The following MUC3A variants were observed in gnomAD, a reference collection of about 807,000 sequenced individuals.
The protein encoded by MUC3A is mucin 3A, cell surface associated, also known as mucin-3A.
In MUC3A, 109 loss-of-function variants were observed where a neutral mutation model predicts 109.0. That is an observed-to-expected ratio of 1.00 (90% CI 0.86 to 1.17). The LOEUF (loss-of-function observed/expected upper bound fraction) is 1.17. Among genes scored for constraint, MUC3A ranks in the 50% most tolerant of loss-of-function variants. The pLI is 0.00. For synonymous variants in MUC3A, 1,398 were observed against 981.4 expected (o/e 1.42, Z -7.93); for missense variants, 3,537 against 2,469.4 (o/e 1.43, Z -9.16).
rs1792567044 is a variant in MUC3A at position 100,966,495 on chromosome 7, C to T, written c.9721C>T (p.Leu3241=). Residue 3241 remains leucine, a synonymous_variant, in exon 9 of 12, where the codon CTG becomes TTG. Coordinates refer to ENST00000379458, the MANE Select transcript of MUC3A (RefSeq NM_005960.2). ...GGCCGGCGCCGCGCTGCTGGTGCTG[C>T]TGCTGCTGGCGCTGGGCGTCCGGGC... ...LTAGAALLVL[L]LLALGVRAVR... The T allele has an allele frequency of 7.6e-7, 1 of 1,312,686 alleles. No individual in the cohort carries two copies. The allele number at this position is 1,312,686 out of a possible 1,614,324, so 81.3% of individuals were successfully genotyped here.
At position 100,959,128 on chromosome 7, in the gene MUC3A, C is replaced by T. The variant is rs1792220216; in HGVS notation, c.7349C>T (p.Ser2450Phe). 1 of 1,583,880 alleles carries T rather than the reference C, an allele frequency of 6.3e-7. No homozygotes were observed. The highest frequency in any genetic ancestry group is 2.3e-5 in the East Asian group (1 of 44,440). ...AGCCTCAGTTCTTCAACCATCTACT[C>T]CACAGTCAGCACATCCACAACTGCC... ...TPSLSSSTIY[S>F]TVSTSTTAIT... The change falls in exon 2 of 12, where the codon TCC becomes TTC. Residue 2450 changes from serine (S) to phenylalanine (F), a missense_variant. Physicochemically the swap from Ser to Phe is radical, Grantham distance 155. Transcript: ENST00000379458.
chr7:100,953,910 T>G lies in MUC3A; in HGVS notation c.2131T>G (p.Tyr711Asp). 2.2e-6 allele frequency: 1 copy of G among 449,658 alleles called. No homozygotes were observed. The highest frequency in any genetic ancestry group is 3.9e-6 in the Non-Finnish European group (1 of 257,626). The allele number at this position is 449,658 out of a possible 1,614,324, so 27.9% of individuals were successfully genotyped here. The change falls in exon 2 of 12, where the codon TAT becomes GAT. Residue 711 changes from tyrosine (Y) to aspartate (D), a missense_variant. Coordinates refer to ENST00000379458, the MANE Select transcript of MUC3A (RefSeq NM_005960.2). ...ASSMTTSETT[Y>D]PNSPTGPGTN... Reference sequence around the variant, plus strand: ...ATCTATGACTACATCTGAGACCACCTATCCTAATTCTCCGACTGGTCCTGG... The same window carrying G: ...ATCTATGACTACATCTGAGACCACCGATCCTAATTCTCCGACTGGTCCTGG...
In MUC3A at chr7:100,954,784, C is replaced by T; in HGVS notation, c.3005C>T (p.Thr1002Ile). The stretch of plus-strand genomic sequence containing the variant: ...GACATTTCTACAGTATCTCTCACAA[C>T]AGCCATGACTTCTCCTCCCCCCGTC... ...TTDISTVSLT[T>I]AMTSPPPVSS... The change falls in exon 2 of 12, where the codon ACA becomes ATA. Residue 1002 changes from threonine (T) to isoleucine (I), a missense_variant. Thr to Ile is a moderately conservative substitution (Grantham distance 89). Transcript: ENST00000379458. The T allele has an allele frequency of 2.5e-6, 1 of 403,810 alleles. No individual in the cohort carries two copies. The highest frequency in any genetic ancestry group is 4.4e-6 in the Non-Finnish European group (1 of 229,572). 25.0% of individuals were successfully genotyped at this position (403,810 alleles called of 1,614,324 possible).
chr7:100,962,670 CT>C (rs199772293), intron 3 of MUC3A, among the ~76,000 whole-genome samples: 5,204 of 59,834 alleles, frequency 0.087, 279 homozygotes, highest in African/African-American at 0.29. Context: ...TTTCTCTTTT[CT>C]TTTTTTCTTT....
rs1293210180 is a variant in MUC3A, at chr7:100,957,299, C to G, written c.5520C>G (p.Thr1840=). The change falls in exon 2 of 12, where the codon ACC becomes ACG. Residue 1840 remains threonine (T), a synonymous_variant. Transcript: ENST00000379458. ...DTSSTPTSET[T]YPTSLTSALT... is the part of the protein sequence containing the mutation. ...GTTCTACACCTACATCTGAGACCAC[C>G]TACCCTACTTCTCTTACTAGTGCTC... 2 of 563,144 alleles carry G rather than the reference C, an allele frequency of 3.6e-6. No individual in the cohort carries two copies. The highest frequency in any genetic ancestry group is 3.5e-5 in the Admixed American group (1 of 28,712). 34.9% of individuals were successfully genotyped at this position (563,144 alleles called of 1,614,324 possible). A position where few individuals can be genotyped will look rare whatever the true frequency, so the allele number is the denominator to read the frequency against.
Position 100,967,213 on chromosome 7 carries a change from G to T in MUC3A, c.*51G>T. 6.3e-7 allele frequency: 1 copy of T among 1,597,078 alleles called. No individual in the cohort carries two copies. The highest frequency in any genetic ancestry group is 8.5e-7 in the Non-Finnish European group (1 of 1,179,006). Reference sequence around the variant, plus strand: ...CCTCCGCCCTGCCCCGGACACAAGGGTCTGCATTGCGTCCATTTCAAGAGG... The same window carrying T: ...CCTCCGCCCTGCCCCGGACACAAGGTTCTGCATTGCGTCCATTTCAAGAGG... On this transcript the variant is annotated 3_prime_UTR_variant, in exon 12 of 12. Transcript: ENST00000379458.
In MUC3A at chr7:100,967,801, T is replaced by C. The variant is rs587761944; in HGVS notation, c.*639T>C. 6 of 137,132 alleles carry C rather than the reference T, an allele frequency of 4.4e-5. No homozygotes were observed. In the Admixed American group the frequency reaches 4.8e-4, roughly 11 times the overall value. The allele number at this position is 137,132 out of a possible 1,614,324, so 8.5% of individuals were successfully genotyped here. On this transcript the variant is annotated 3_prime_UTR_variant, in exon 12 of 12. Transcript: ENST00000379458. ...CTAAATCCTCCCTCCTCTCCTCACA[T>C]CCTGGTCCCTAGCAAGGTATAGATA... is the stretch of plus-strand genomic sequence containing the variant.
rs768491429 is a variant in MUC3A at position 100,965,819 on chromosome 7, C to G, written c.9564C>G (p.Asp3188Glu). 3.8e-6 allele frequency: 6 copies of G among 1,597,376 alleles called. No homozygotes were observed. The South Asian group carries it at 5.5e-5, about 15-fold the overall frequency. ...KCTSGVDNAIDCHQGQCVLET... is the reference protein window; with the variant it reads ...KCTSGVDNAIECHQGQCVLET... ...CGTCGGGGGTGGACAACGCCATCGA[C>G]TGTCACCAGGGCCAGTGCGTTCTGG... The change falls in exon 8 of 12, where the codon GAC becomes GAG. Residue 3188 changes from aspartate to glutamate, a missense_variant. Coordinates refer to ENST00000379458, the MANE Select transcript of MUC3A (RefSeq NM_005960.2).
chr7:100,961,851 T>C (rs909878255), intron 3 of MUC3A, among the ~76,000 whole-genome samples: 22 of 152,420 alleles, frequency 1.4e-4, no homozygotes, highest in Admixed American at 4.6e-4. Context: ...GATTGTCTTA[T>C]AATCCCTGCA....
chr7:100,960,411 G>C lies in MUC3A; in HGVS notation c.8632G>C (p.Val2878Leu), dbSNP rs943958158. ...TGAGACCTGGCTGAGCAACAGTTCT[G>C]TGATCCCCCTACCTCTTCCTGGCGT... ...TSETWLSNSS[V>L]IPLPLPGVST... The change falls in exon 2 of 12, where the codon GTG becomes CTG. Residue 2878 changes from valine to leucine, a missense_variant. By Grantham distance (32) the Val-to-Leu change is conservative. Coordinates refer to ENST00000379458, the MANE Select transcript of MUC3A (RefSeq NM_005960.2). 1.3e-6 allele frequency: 2 copies of C among 1,598,428 alleles called. No homozygotes were observed. Among genetic ancestry groups the C allele is most frequent in the African/African-American group, 2.7e-5 (2 of 74,962 alleles).
In MUC3A at chr7:100,952,024, C is replaced by T. The variant is rs1032161426; in HGVS notation, c.245C>T (p.Pro82Leu). ...GCACCTATGACACTCACTACCTCCC[C>T]CCATGACACACTCATCTCTGAAACA... Reference protein sequence around the residue: ...ENAPMTLTTSPHDTLISETLL... With the variant: ...ENAPMTLTTSLHDTLISETLL... The change falls in exon 2 of 12, where the codon CCC (proline) becomes CTC (leucine). Residue 82 changes from proline (P) to leucine (L), a missense_variant. Coordinates refer to ENST00000379458, the MANE Select transcript of MUC3A (RefSeq NM_005960.2). The T allele has an allele frequency of 1.9e-6, 3 of 1,598,668 alleles. No homozygotes were observed. Among genetic ancestry groups the T allele is most frequent in the Non-Finnish European group, 2.5e-6 (3 of 1,179,810 alleles).
At chr7:100,963,623 TG>T in intron 4 of MUC3A, 64 bp from the exon 5 acceptor site, 2 of 1,597,238 alleles carry the variant, frequency 1.3e-6, no homozygotes, top group Non-Finnish European at 1.7e-6. Flanking sequence ...GAGCTGGGGT[TG>T]GGCGTCTGGG....
intron 6 of MUC3A, 166 bp from the exon 7 acceptor site, chr7:100,965,114 GGC>G (rs1792481288): frequency 1.0e-5 from 11 of 1,098,140 alleles, no homozygotes; most frequent in African/African-American, 1.6e-5. Context: ...AGATGAGGCA[GGC>G]AACAGGAGTC....
In MUC3A at chr7:100,957,443, A is replaced by C. The variant is rs1248379420; in HGVS notation, c.5664A>C (p.Pro1888=). 2.6e-6 allele frequency: 2 copies of C among 775,658 alleles called. No homozygotes were observed. Among genetic ancestry groups the C allele is most frequent in the Non-Finnish European group, 3.1e-6 (2 of 646,418 alleles). 48.0% of individuals were successfully genotyped at this position (775,658 alleles called of 1,614,324 possible). The part of the protein sequence containing the change: ...SLLTTVTATV[P]TTNLVTTTTK... ...TCACCACAGTAACAGCCACAGTTCCAACAACAAACTTGGTAACCACGACCA... is the reference window on the plus strand; with the variant it reads ...TCACCACAGTAACAGCCACAGTTCCCACAACAAACTTGGTAACCACGACCA... Residue 1888 remains proline (P), a synonymous_variant, in exon 2 of 12, where the codon CCA becomes CCC. Transcript: ENST00000379458.
chr7:100,964,602 CT>C, intron 5 of MUC3A, 92 bp from the exon 6 acceptor site: 1 of 1,502,144 alleles, frequency 6.7e-7, no homozygotes, highest in Admixed American at 2.0e-5. Flanking sequence ...TCCCTTCCCC[CT>C]TCTGGTGCAC....
rs1442715338 is a variant in MUC3A at position 100,949,677 on chromosome 7, G to A, written c.53G>A (p.Trp18Ter). The A allele has an allele frequency of 6.5e-7, 1 of 1,550,324 alleles. No individual in the cohort carries two copies. The highest frequency in any genetic ancestry group is 2.3e-5 in the East Asian group (1 of 42,808). Residue 18 changes from tryptophan (W) to a stop codon, truncating the protein, a stop_gained, in exon 1 of 12, where the codon TGG becomes TAG. Transcript: ENST00000379458. LOFTEE classifies it high-confidence loss of function. ...CTCTGGATGCTCAAGGCCTCCCCGT[G>A]GGCCACAGGTAAGGGGGAGAGGCGG... is the stretch of plus-strand genomic sequence containing the variant. ...GLLWMLKASP[W>*]ATGTLSTATS...
Position 100,959,139 on chromosome 7 carries a change from A to C in MUC3A, c.7360A>C (p.Thr2454Pro), listed in dbSNP as rs75879657. ...TTCAACCATCTACTCCACAGTCAGC[A>C]CATCCACAACTGCCATCACCTCACA... ...SSSTIYSTVS[T>P]STTAITSHFT... The change falls in exon 2 of 12, where the codon ACA becomes CCA. Residue 2454 changes from threonine (T) to proline (P), a missense_variant. Coordinates refer to ENST00000379458, the MANE Select transcript of MUC3A (RefSeq NM_005960.2). 1 of 1,160,868 alleles carries C rather than the reference A, an allele frequency of 8.6e-7. No individual in the cohort carries two copies. The highest frequency in any genetic ancestry group is 1.1e-6 in the Non-Finnish European group (1 of 947,278). The allele number at this position is 1,160,868 out of a possible 1,614,324, so 71.9% of individuals were successfully genotyped here.
At position 100,964,580 on chromosome 7, in the gene MUC3A, C is replaced by T. The variant is rs1456393227; in HGVS notation, c.9234-115C>T. On this transcript the variant is annotated intron_variant, in intron 5 of 11. Transcript: ENST00000379458. The stretch of plus-strand genomic sequence containing the variant: ...AAAGGATGCACGTGGCATCCCAACT[C>T]ATGACCTCTGCTCCCTTCCCCCTTC... The T allele has an allele frequency of 3.4e-6, 5 of 1,451,688 alleles. No individual in the cohort carries two copies. The African/African-American group carries it at 7.1e-5, about 21-fold the overall frequency. The allele number at this position is 1,451,688 out of a possible 1,614,324, so 89.9% of individuals were successfully genotyped here.
At position 100,957,993 on chromosome 7, in the gene MUC3A, A is replaced by C; in HGVS notation, c.6214A>C (p.Ser2072Arg). Residue 2072 changes from serine (S) to arginine (R), a missense_variant, in exon 2 of 12, where the codon AGT becomes CGT. Transcript: ENST00000379458. The stretch of plus-strand genomic sequence containing the variant: ...CACCATCACCGAGATCACCTCACAC[A>C]GTACTCTCAGCTACACTACCTCAAT... ...LITITEITSH[S>R]TLSYTTSITT... The C allele has an allele frequency of 1.2e-6, 1 of 826,702 alleles. No homozygotes were observed. The highest frequency in any genetic ancestry group is 2.1e-6 in the Non-Finnish European group (1 of 474,660). 51.2% of individuals were successfully genotyped at this position (826,702 alleles called of 1,614,324 possible). A position where few individuals can be genotyped will look rare whatever the true frequency, so the allele number is the denominator to read the frequency against.
Sources: allele counts gnomAD v4.1 joint callset (sites outside exome capture counted in the v4.1 genomes callset), GRCh38; gene constraint gnomAD v4.1.1; transcripts MANE v1.5; gene names NCBI Gene and HGNC (gene_info 2026-07-23, HGNC 2026-07-21).